The following OSBPL5 variants were observed in gnomAD, a reference collection of about 807,000 sequenced individuals.
OSBPL5 encodes oxysterol binding protein like 5.
Under a neutral mutation model 111.2 loss-of-function variants are expected in OSBPL5, and 71 were observed. The ratio of observed to expected loss-of-function variants is 0.64; its 90% CI spans 0.53 to 0.78. The LOEUF is 0.78. Among genes scored for constraint, OSBPL5 ranks in the 30% least tolerant of loss-of-function variants. The probability of loss-of-function intolerance (pLI) is 0.00; values close to 1 mark genes in which losing one functional copy is unlikely to be tolerated. For missense variants in OSBPL5, 1,210 were observed against 1,189.3 expected, an observed-to-expected ratio of 1.02 and a Z score of -0.26; for synonymous variants, 549 against 513.9, an observed-to-expected ratio of 1.07 and a Z score of -0.93.
chr11:3,125,362 T>C (rs1858575400), intron 3 of OSBPL5, among the ~76,000 whole-genome samples: 1 of 152,116 alleles, frequency 6.6e-6, no homozygotes, highest in African/African-American at 2.4e-5. Context: ...AAACAACCCA[T>C]TCCAAAAATG....
chr11:3,091,945 T>G (rs1403588124), intron 19 of OSBPL5, among the ~76,000 whole-genome samples: 2 of 152,028 alleles, frequency 1.3e-5, no homozygotes, highest in Non-Finnish European at 2.9e-5. Flanking sequence ...GGCGTGTGGG[T>G]TTGGCGCCAC....
chr11:3,156,848 G>A (rs2134557234), intron 1 of OSBPL5, among the ~76,000 whole-genome samples: 1 of 152,352 alleles, frequency 6.6e-6, no homozygotes, highest in African/African-American at 2.4e-5. Flanking sequence ...GCACCTCCAG[G>A]AGACTGGCCC....
At chr11:3,122,929 A>G (rs1275832766) in intron 3 of OSBPL5, among the ~76,000 whole-genome samples, 2 of 152,226 alleles carry the variant, frequency 1.3e-5, no homozygotes, top group African/African-American at 2.4e-5. Context: ...CCAGCCCTGC[A>G]TCCACCCAAA....
chr11:3,156,135 G>A (rs1846751385), intron 1 of OSBPL5, among the ~76,000 whole-genome samples: 1 of 152,148 alleles, frequency 6.6e-6, no homozygotes, highest in Non-Finnish European at 1.5e-5. Context: ...CTGAGCACAG[G>A]AGGGACCAGG....
At chr11:3,145,709 T>C (rs1291875672) in intron 1 of OSBPL5, among the ~76,000 whole-genome samples, 1 of 152,080 alleles carries the variant, frequency 6.6e-6, no homozygotes, top group Admixed American at 6.5e-5. Context: ...CAGCGAGGCA[T>C]TTACAGCCCC....
chr11:3,129,125 C>T lies in OSBPL5; in HGVS notation c.24G>A (p.Arg8=), dbSNP rs1858738731. The T allele has an allele frequency of 1.3e-6, 2 of 1,489,354 alleles. No homozygotes were observed. The highest frequency in any genetic ancestry group is 1.8e-6 in the Non-Finnish European group (2 of 1,116,188). 92.3% of individuals were successfully genotyped at this position (1,489,354 alleles called of 1,614,324 possible). ...AAGGTGGACACAGGGAGAAGCGGCGCCGGAGGAAGGCCTCCTCCTTCATGC... is the reference window on the plus strand; with the variant it reads ...AAGGTGGACACAGGGAGAAGCGGCGTCGGAGGAAGGCCTCCTCCTTCATGC... MKEEAFL[R]RRFSLCPPSS... Residue 8 remains arginine (R), a synonymous_variant, in exon 2 of 22, where the codon CGG becomes CGA. Coordinates refer to ENST00000263650, the MANE Select transcript of OSBPL5 (RefSeq NM_020896.4).
At chr11:3,149,569 G>GGCA (rs1564864343) in intron 1 of OSBPL5, among the ~76,000 whole-genome samples, 2 of 152,224 alleles carry the variant, frequency 1.3e-5, no homozygotes, top group African/African-American at 2.4e-5. Context: ...TTATGCGTCA[G>GGCA]GCAGCAGCAG....
intron 1 of OSBPL5, among the ~76,000 whole-genome samples, chr11:3,149,031 G>A (rs1055520273): frequency 3.9e-5 from 6 of 152,102 alleles, no homozygotes; most frequent in Non-Finnish European, 7.4e-5. Context: ...CTCAGAACCT[G>A]CCCCAGCCCT....
At chr11:3,115,873 C>CTTTTTTT (rs369499437) in intron 7 of OSBPL5, among the ~76,000 whole-genome samples, 1 of 143,994 alleles carries the variant, frequency 6.9e-6, no homozygotes, top group Non-Finnish European at 1.5e-5. Context: ...AGGCTTTTGC[C>CTTTTTTT]TTTTTTTTTT....
At chr11:3,127,963 T>C (rs1435347059) in intron 2 of OSBPL5, among the ~76,000 whole-genome samples, 4 of 152,212 alleles carry the variant, frequency 2.6e-5, no homozygotes, top group Non-Finnish European at 4.4e-5. Flanking sequence ...GACCAGCAGC[T>C]GGGACCCAGC....
chr11:3,093,097 G>T, intron 17 of OSBPL5, 45 bp from the exon 18 acceptor site: 1 of 1,468,470 alleles, frequency 6.8e-7, no homozygotes, highest in African/African-American at 1.4e-5. Flanking sequence ...CGGGCAGCCC[G>T]ACCCCTAGGC....
intron 3 of OSBPL5, among the ~76,000 whole-genome samples, chr11:3,124,079 A>C (rs921246982): frequency 2.0e-5 from 3 of 152,176 alleles, no homozygotes; most frequent in African/African-American, 7.2e-5. Flanking sequence ...CGTTCTGTGC[A>C]TGGATGTAAG....
intron 1 of OSBPL5, among the ~76,000 whole-genome samples, chr11:3,143,254 C>T (rs1235383372): frequency 2.4e-4 from 35 of 147,940 alleles, no homozygotes; most frequent in African/African-American, 8.3e-4. Context: ...GAGGCAGGTG[C>T]GGAGCGGGGC....
Position 3,119,034 on chromosome 11 carries a change from AC to A in OSBPL5, c.691+512del, listed in dbSNP as rs1858308343. 2.8e-5 allele frequency among the ~76,000 whole-genome samples: 4 copies of A among 142,788 alleles called. 1 individual carries two copies. The highest frequency in any genetic ancestry group is 8.0e-3 in the Middle Eastern group (2 of 250). 93.7% of individuals were successfully genotyped at this position (142,788 alleles called of 152,430 possible). A position where few individuals can be genotyped will look rare whatever the true frequency, so the allele number is the denominator to read the frequency against. On this transcript the variant is annotated intron_variant, in intron 7 of 21. Transcript: ENST00000263650. ...GGTTTTTTTTTTTTCTTTAAGACGGACTTTTGCTCTTGTCACCCAGGCTGGA... is the reference window on the plus strand; with the variant it reads ...GGTTTTTTTTTTTTCTTTAAGACGGATTTTGCTCTTGTCACCCAGGCTGGA...
intron 1 of OSBPL5, among the ~76,000 whole-genome samples, chr11:3,133,107 G>A (rs1590698746): frequency 6.6e-6 from 1 of 152,246 alleles, no homozygotes; most frequent in East Asian, 1.9e-4. Context: ...GAACCCTAGT[G>A]AGGTTCCCAT....
In OSBPL5 at chr11:3,087,939, T is replaced by C. The variant is rs1590623426; in HGVS notation, c.*266A>G. On this transcript the variant is annotated 3_prime_UTR_variant, in exon 22 of 22. Coordinates refer to ENST00000263650, the MANE Select transcript of OSBPL5 (RefSeq NM_020896.4). ...GGTGACACGGCAAGATGGCCAGGAG[T>C]GCGTCGCACAGCAGAAGCTGCATTT... 1.2e-5 allele frequency: 4 copies of C among 329,394 alleles called. No individual in the cohort carries two copies. The highest frequency in any genetic ancestry group is 2.2e-5 in the Non-Finnish European group (4 of 182,212). The allele number at this position is 329,394 out of a possible 1,614,324, so 20.4% of individuals were successfully genotyped here. A position where few individuals can be genotyped will look rare whatever the true frequency, so the allele number is the denominator to read the frequency against.
At chr11:3,119,890 G>A in intron 6 of OSBPL5, 1 of 502,526 alleles carries the variant, frequency 2.0e-6, no homozygotes, top group South Asian at 2.8e-5. Context: ...GACTTGGGCT[G>A]TCCAGAATCA....
In OSBPL5 at chr11:3,109,939, A is replaced by C. The variant is rs1374256862; in HGVS notation, c.692-1994T>G. Among the ~76,000 whole-genome samples, 2 of 152,132 alleles carry C rather than the reference A, an allele frequency of 1.3e-5. No homozygotes were observed. The highest frequency in any genetic ancestry group is 2.4e-5 in the African/African-American group (1 of 41,406). On this transcript the variant is annotated intron_variant, in intron 7 of 21. Transcript: ENST00000263650. This position sits in a 1 kb window ranked among gnomAD's most constrained non-coding sequence, Gnocchi z 7.4. ...CACCTCTCCTCCCGAATGGTGGCCC[A>C]CACCCTATCAGGGGCTCAGCTCACA...
In OSBPL5 at chr11:3,121,520, G is replaced by A. The variant is rs191175603; in HGVS notation, c.402+477C>T. Among the ~76,000 whole-genome samples, 10 of 152,164 alleles carry A rather than the reference G, an allele frequency of 6.6e-5. No homozygotes were observed. In the South Asian group the frequency reaches 1.0e-3, roughly 16 times the overall value. ...GGCTGGGCACACTTATCTGGTATGC[G>A]TTGCCCAGCAGCCTCGGAGTTGGGC... On this transcript the variant is annotated intron_variant, in intron 5 of 21. Coordinates refer to ENST00000263650, the MANE Select transcript of OSBPL5 (RefSeq NM_020896.4). This position sits in a 1 kb window ranked among gnomAD's most constrained non-coding sequence, Gnocchi z 4.3.
Sources: allele counts gnomAD v4.1 joint callset (sites outside exome capture counted in the v4.1 genomes callset), GRCh38; gene constraint gnomAD v4.1.1; non-coding constraint Gnocchi (gnomAD v3.1); transcripts MANE v1.5; gene names NCBI Gene and HGNC (gene_info 2026-07-23, HGNC 2026-07-21).